The following METTL8 variants were observed in gnomAD, a reference collection of about 807,000 sequenced individuals.
The protein encoded by METTL8 is tRNA N(3)-cytidine methyltransferase METTL8, mitochondrial.
In METTL8, 32 loss-of-function variants were observed where a neutral mutation model predicts 48.7. The ratio of observed to expected loss-of-function variants is 0.66; its 90% CI spans 0.50 to 0.88. The LOEUF (loss-of-function observed/expected upper bound fraction) is 0.88, where lower values mean the gene tolerates loss of function less well. Ranked by LOEUF, METTL8 falls within the 40% of genes least tolerant of loss-of-function variation. The probability of loss-of-function intolerance (pLI) is 0.00; values close to 1 mark genes in which losing one functional copy is unlikely to be tolerated. For missense variants in METTL8, 464 were observed against 474.4 expected (o/e 0.98, Z 0.20); for synonymous variants, 136 against 157.1 (o/e 0.87, Z 1.01).
chr2:171,365,163 A>T (rs1204321134), intron 2 of METTL8, among the ~76,000 whole-genome samples: 1 of 152,170 alleles, frequency 6.6e-6, no homozygotes, highest in Non-Finnish European at 1.5e-5. Flanking sequence ...CCCCAAGAGC[A>T]TAACAGCTCC....
chr2:171,399,265 C>T (rs1689416222), intron 1 of METTL8, among the ~76,000 whole-genome samples: 1 of 152,058 alleles, frequency 6.6e-6, no homozygotes, highest in Admixed American at 6.6e-5. Flanking sequence ...GAAGCTCATT[C>T]AAGTATTGGA....
intron 1 of METTL8, among the ~76,000 whole-genome samples, chr2:171,392,759 A>G (rs185283753): frequency 2.2e-4 from 33 of 152,278 alleles, no homozygotes; most frequent in African/African-American, 7.9e-4. Flanking sequence ...ATATATTTTT[A>G]AGAATAGTCA....
At chr2:171,361,960 G>A (rs1173062284) in intron 2 of METTL8, among the ~76,000 whole-genome samples, 4 of 152,132 alleles carry the variant, frequency 2.6e-5, no homozygotes, top group African/African-American at 9.7e-5. Context: ...TTAAGAGAAG[G>A]TAGGTTTGGG....
chr2:171,389,702 A>G (rs1688412477), intron 2 of METTL8, among the ~76,000 whole-genome samples: 1 of 152,176 alleles, frequency 6.6e-6, no homozygotes, highest in Non-Finnish European at 1.5e-5. Context: ...GACTCTATGA[A>G]GGCTCACAGA....
rs193064989 is a variant in METTL8 at position 171,319,703 on chromosome 2, T to C, written c.*4469A>G. The C allele has an allele frequency of 1.3e-5, 2 of 152,346 alleles. No homozygotes were observed. Among genetic ancestry groups the C allele is most frequent in the Non-Finnish European group, 2.9e-5 (2 of 68,040 alleles). 9.4% of individuals were successfully genotyped at this position (152,346 alleles called of 1,614,324 possible). ...TGTTTCAATACAGGCAAATGTGTCATACCGAATGCAAAACTTTTAATAATA... is the reference window on the plus strand; with the variant it reads ...TGTTTCAATACAGGCAAATGTGTCACACCGAATGCAAAACTTTTAATAATA... On this transcript the variant is annotated 3_prime_UTR_variant, in exon 10 of 10. Transcript: ENST00000375258.
intron 2 of METTL8, among the ~76,000 whole-genome samples, chr2:171,366,613 T>C (rs900068776): frequency 6.6e-6 from 1 of 152,038 alleles, no homozygotes; most frequent in African/African-American, 2.4e-5. Context: ...TGTTGAAAGA[T>C]TTAAAGAAAA....
chr2:171,330,768 TAAAAAGGTCAAA>T, intron 6 of METTL8, 70 bp from the exon 7 acceptor site: 3 of 1,320,318 alleles, frequency 2.3e-6, no homozygotes, highest in Non-Finnish European at 3.1e-6. Flanking sequence ...TTTTTTTAAA[TAAAAAGGTCAAA>T]TTTTTAACCT....
intron 1 of METTL8, among the ~76,000 whole-genome samples, chr2:171,411,510 C>T (rs1011086120): frequency 5.9e-5 from 9 of 151,972 alleles, no homozygotes; most frequent in Admixed American, 3.3e-4. Context: ...AGTCCAGAAA[C>T]GAGTTAGAAT....
chr2:171,339,437 T>A lies in METTL8; in HGVS notation c.353A>T (p.Asp118Val). ...LREFPEILPV[D>V]QKPEEKARES... ...TCTCGCCTTCTCTTCAGGTTTTTGA[T>A]CAACTGGAAGAATTTCAGGAAATTC... Residue 118 changes from aspartate to valine, a missense_variant, in exon 4 of 10, where the codon GAT (aspartate) becomes GTT (valine). By Grantham distance (152) the Asp-to-Val change is radical. Coordinates refer to ENST00000375258, the MANE Select transcript of METTL8 (RefSeq NM_001321154.2). 6.2e-7 allele frequency: 1 copy of A among 1,613,656 alleles called. No homozygotes were observed. Among genetic ancestry groups the A allele is most frequent in the South Asian group, 1.1e-5 (1 of 91,022 alleles).
At chr2:171,425,283 C>G (rs781176316) in intron 1 of METTL8, among the ~76,000 whole-genome samples, 3 of 152,074 alleles carry the variant, frequency 2.0e-5, no homozygotes, top group Non-Finnish European at 4.4e-5. Flanking sequence ...AATTAAGTAC[C>G]TAGGTATATA....
intron 2 of METTL8, among the ~76,000 whole-genome samples, chr2:171,364,677 A>AAC (rs150877885): frequency 8.4e-4 from 128 of 151,856 alleles, no homozygotes; most frequent in Non-Finnish European, 1.5e-3. Context: ...GAAAAGTTAA[A>AAC]ACACACACAC....
intron 3 of METTL8, among the ~76,000 whole-genome samples, chr2:171,341,004 G>T (rs1686693367): frequency 6.6e-6 from 1 of 152,104 alleles, no homozygotes; most frequent in Admixed American, 6.6e-5. Flanking sequence ...GTAATTCTTC[G>T]CTTTCTGCCT....
At chr2:171,329,354 A>G (rs1251090612) in intron 7 of METTL8, among the ~76,000 whole-genome samples, 1 of 152,254 alleles carries the variant, frequency 6.6e-6, no homozygotes, top group African/African-American at 2.4e-5. Context: ...CTAATTTCAA[A>G]TAGTCTTTTT....
intron 1 of METTL8, among the ~76,000 whole-genome samples, chr2:171,432,695 C>T (rs1044707586): frequency 6.6e-6 from 1 of 152,178 alleles, no homozygotes; most frequent in African/African-American, 2.4e-5. Context: ...GAAGGAAATT[C>T]AGCAGGGTTA....
chr2:171,425,827 G>T (rs73022921), intron 1 of METTL8, among the ~76,000 whole-genome samples: 5,944 of 152,288 alleles, frequency 0.039, 378 homozygotes, highest in African/African-American at 0.13. Flanking sequence ...AGGAGACAGG[G>T]ATAAGAATGT....
intron 1 of METTL8, chr2:171,414,558 T>C (rs943422777): frequency 6.6e-6 from 1 of 151,472 alleles, no homozygotes; most frequent in Non-Finnish European, 1.5e-5. Flanking sequence ...GAGACCCCCA[T>C]CTCTACAAAA....
chr2:171,428,259 T>C (rs1053821761), intron 1 of METTL8, among the ~76,000 whole-genome samples: 2 of 152,224 alleles, frequency 1.3e-5, no homozygotes, highest in Non-Finnish European at 2.9e-5. Context: ...GTAGAAGTCT[T>C]AAGGATTTAA....
intron 7 of METTL8, chr2:171,326,469 AAG>A (rs1247182152): frequency 4.3e-6 from 1 of 233,540 alleles, no homozygotes; most frequent in South Asian, 1.2e-4. Flanking sequence ...ACAGAAAATT[AAG>A]GTAGTTCTGA....
At position 171,326,101 on chromosome 2, in the gene METTL8, C is replaced by T; in HGVS notation, c.908G>A (p.Gly303Glu). ...TCCATAGTCTCGAAATAACAGCATT[C>T]CCCCAGGTTTCAGTAACTTGGACAG... ...NRLSKLLKPG[G>E]MLLFRDYGRY... Residue 303 changes from glycine to glutamate, a missense_variant, in exon 8 of 10, where the codon GGA (glycine) becomes GAA (glutamate). Coordinates refer to ENST00000375258, the MANE Select transcript of METTL8 (RefSeq NM_001321154.2). 2 of 1,549,542 alleles carry T rather than the reference C, an allele frequency of 1.3e-6. No homozygotes were observed. The highest frequency in any genetic ancestry group is 1.7e-6 in the Non-Finnish European group (2 of 1,145,910).
Sources: allele counts gnomAD v4.1 joint callset (sites outside exome capture counted in the v4.1 genomes callset), GRCh38; gene constraint gnomAD v4.1.1; transcripts MANE v1.5; gene names NCBI Gene and HGNC (gene_info 2026-07-23, HGNC 2026-07-21).